RASAL2: variants seen among roughly 807,000 people sequenced by gnomAD.
RASAL2 encodes ras GTPase-activating protein nGAP.
A neutral mutation model predicts 128.9 loss-of-function variants in RASAL2; 58 were observed. That is an observed-to-expected ratio of 0.45 (90% CI 0.36 to 0.56). RASAL2 has a LOEUF of 0.56. Among genes scored for constraint, RASAL2 ranks in the 20% least tolerant of loss-of-function variants. RASAL2 has a pLI of 0.00. For synonymous variants in RASAL2, 561 were observed against 580.8 expected, an observed-to-expected ratio of 0.97 and a Z score of 0.49; for missense variants, 1,360 against 1,601.6, an observed-to-expected ratio of 0.85 and a Z score of 2.57.
chr1:178,302,222 A>C (rs778486072), intron 3 of RASAL2, among the ~76,000 whole-genome samples: 1 of 152,192 alleles, frequency 6.6e-6, no homozygotes, highest in African/African-American at 2.4e-5. Flanking sequence ...GTAACATTCT[A>C]TGCCAGTCGC....
intron 5 of RASAL2, among the ~76,000 whole-genome samples, chr1:178,426,639 A>G (rs1191426879): frequency 6.6e-6 from 1 of 152,074 alleles, no homozygotes; most frequent in Non-Finnish European, 1.5e-5. Flanking sequence ...AGAAAGAAAA[A>G]ATAGGTTGCA....
At chr1:178,289,472 A>G (rs1215310323) in intron 2 of RASAL2, among the ~76,000 whole-genome samples, 2 of 152,092 alleles carry the variant, frequency 1.3e-5, no homozygotes, top group African/African-American at 2.4e-5. Context: ...TCTTAAAACT[A>G]CATATCACTG....
chr1:178,219,350 C>A (rs536872973), intron 1 of RASAL2, among the ~76,000 whole-genome samples: 1 of 152,146 alleles, frequency 6.6e-6, no homozygotes. Flanking sequence ...TTTTAATTTC[C>A]TTCAAGAACT....
chr1:178,470,390 G>C (rs1389081163), intron 17 of RASAL2, among the ~76,000 whole-genome samples: 1 of 152,206 alleles, frequency 6.6e-6, no homozygotes, highest in East Asian at 1.9e-4. Context: ...GCCTGCATCA[G>C]CCACTTTCTA....
intron 3 of RASAL2, among the ~76,000 whole-genome samples, chr1:178,344,687 GAGA>G (rs1170165918): frequency 6.6e-6 from 1 of 152,204 alleles, no homozygotes; most frequent in Non-Finnish European, 1.5e-5. Flanking sequence ...TAGTGAGAAG[GAGA>G]AGGAGGTGAC....
chr1:178,153,156 A>G (rs1333307269), intron 1 of RASAL2, among the ~76,000 whole-genome samples: 1 of 152,078 alleles, frequency 6.6e-6, no homozygotes, highest in Non-Finnish European at 1.5e-5. Flanking sequence ...ATTATCTTGT[A>G]TAGTTTCCCA....
intron 1 of RASAL2, among the ~76,000 whole-genome samples, chr1:178,099,806 A>G (rs1658825684): frequency 6.6e-6 from 1 of 152,022 alleles, no homozygotes; most frequent in African/African-American, 2.4e-5. Flanking sequence ...ACTAAAGTAC[A>G]AAGAAATTAG....
rs1207102103 is a variant in RASAL2, at chr1:178,135,496, TAAA to T, written c.202+40820_202+40822del. ...GAATGTTGAAAATCTTGTCTCTTCA[TAAA>T]AAAAAAAAAAAAAAAAAGCCATTTC... On this transcript the variant is annotated intron_variant, in intron 1 of 17. Transcript: ENST00000367649. 5.0e-3 allele frequency among the ~76,000 whole-genome samples: 585 copies of T among 116,360 alleles called. 1 individual carries two copies. The highest frequency in any genetic ancestry group is 0.015 in the African/African-American group (469 of 31,820). 76.3% of individuals were successfully genotyped at this position (116,360 alleles called of 152,430 possible).
At chr1:178,294,669 TC>T (rs1409847824) in intron 2 of RASAL2, among the ~76,000 whole-genome samples, 2 of 152,192 alleles carry the variant, frequency 1.3e-5, no homozygotes, top group African/African-American at 2.4e-5. Context: ...ACAACTATTT[TC>T]AGGCATTGGA....
chr1:178,304,593 G>A (rs1571820672), intron 3 of RASAL2, among the ~76,000 whole-genome samples: 1 of 152,166 alleles, frequency 6.6e-6, no homozygotes, highest in East Asian at 1.9e-4. Context: ...TTTAGGAACT[G>A]TAGTTTTAAT....
chr1:178,218,074 G>A (rs986772422), intron 1 of RASAL2, among the ~76,000 whole-genome samples: 3 of 152,024 alleles, frequency 2.0e-5, no homozygotes, highest in African/African-American at 7.2e-5. Flanking sequence ...CAAGTTTTGA[G>A]ATCACAGAAA....
intron 3 of RASAL2, among the ~76,000 whole-genome samples, chr1:178,362,636 C>T (rs1671183983): frequency 6.6e-6 from 1 of 152,058 alleles, no homozygotes; most frequent in Non-Finnish European, 1.5e-5. Context: ...CCTAATTCTT[C>T]CCATTTTCTC....
chr1:178,381,777 T>C (rs1184938957), intron 3 of RASAL2, among the ~76,000 whole-genome samples: 1 of 152,060 alleles, frequency 6.6e-6, no homozygotes, highest in Non-Finnish European at 1.5e-5. Context: ...AATATATTAC[T>C]AAATCAGTTA....
chr1:178,136,076 G>A (rs1660315702), intron 1 of RASAL2, among the ~76,000 whole-genome samples: 1 of 152,102 alleles, frequency 6.6e-6, no homozygotes, highest in African/African-American at 2.4e-5. Flanking sequence ...TTTAAATCTA[G>A]CATGATCCCA....
chr1:178,346,855 T>A (rs533339657), intron 3 of RASAL2, among the ~76,000 whole-genome samples: 2 of 152,314 alleles, frequency 1.3e-5, no homozygotes, highest in East Asian at 3.9e-4. Context: ...AAACATTTTT[T>A]AGCTTATGCA....
intron 4 of RASAL2, among the ~76,000 whole-genome samples, chr1:178,393,112 C>G (rs1011345384): frequency 1.3e-5 from 2 of 152,072 alleles, no homozygotes; most frequent in African/African-American, 4.8e-5. Context: ...AAGTAGTGGT[C>G]CCCAACCTTT....
intron 1 of RASAL2, among the ~76,000 whole-genome samples, chr1:178,097,526 A>G (rs773806668): frequency 2.6e-5 from 4 of 152,200 alleles, no homozygotes; most frequent in Non-Finnish European, 4.4e-5. Context: ...TTTATTTGGA[A>G]TGTTTTCACA....
At chr1:178,143,236 A>G (rs1660599563) in intron 1 of RASAL2, among the ~76,000 whole-genome samples, 2 of 151,752 alleles carry the variant, frequency 1.3e-5, no homozygotes, top group South Asian at 2.1e-4. Flanking sequence ...GATGTAATAT[A>G]TATTTATCTA....
Position 178,457,856 on chromosome 1 carries a change from A to G in RASAL2, c.2564A>G (p.Asp855Gly). Residue 855 changes from aspartate to glycine, a missense_variant, in exon 14 of 18, where the codon GAC (aspartate) becomes GGC (glycine). Transcript: ENST00000367649. ...AGCGTCTCCCTCATGGACCTCCAGG[A>G]CACTCATGCTGCTCAAGTGGAGCAT... ...GRSVSLMDLQ[D>G]THAAQVEHAS... 1 of 1,614,186 alleles carries G rather than the reference A, an allele frequency of 6.2e-7. No homozygotes were observed. The highest frequency in any genetic ancestry group is 8.5e-7 in the Non-Finnish European group (1 of 1,180,034).
Sources: allele counts gnomAD v4.1 joint callset (sites outside exome capture counted in the v4.1 genomes callset), GRCh38; gene constraint gnomAD v4.1.1; transcripts MANE v1.5; gene names NCBI Gene and HGNC (gene_info 2026-07-23, HGNC 2026-07-21).